DNAH14: variants seen among roughly 807,000 people sequenced by gnomAD.
DNAH14 encodes dynein axonemal heavy chain 14.
Under a neutral mutation model 520.9 loss-of-function variants are expected in DNAH14, and 478 were observed. The ratio of observed to expected loss-of-function variants is 0.92; its 90% confidence interval spans 0.85 to 0.99. DNAH14 has a LOEUF of 0.99. DNAH14 is among the 50% of genes least tolerant of loss of function. The pLI, the probability that DNAH14 is intolerant of heterozygous loss-of-function variation, is 0.00. For missense variants in DNAH14, 4,831 were observed against 5,234.5 expected (o/e 0.92, Z 2.38); for synonymous variants, 1,581 against 1,757.2 (o/e 0.90, Z 2.51).
Position 225,252,382 on chromosome 1 carries a change from A to G in DNAH14, c.6830A>G (p.Asp2277Gly). ...CAATGTGAATTCATACCTTGGTCAG[A>G]TTTAGTTCCTAATGATCAGACACTA... is the stretch of plus-strand genomic sequence containing the variant. ...IEQCEFIPWS[D>G]LVPNDQTLIQ... is the part of the protein sequence containing the mutation. The change falls in exon 44 of 86, where the codon GAT becomes GGT. Residue 2277 changes from aspartate (D) to glycine (G), a missense_variant. By Grantham distance (94) the Asp-to-Gly change is moderately conservative (BLOSUM62 -1). Coordinates refer to ENST00000682510, the MANE Select transcript of DNAH14 (RefSeq NM_001367479.1). 6.5e-7 allele frequency: 1 copy of G among 1,545,518 alleles called. No homozygotes were observed. The highest frequency in any genetic ancestry group is 8.8e-7 in the Non-Finnish European group (1 of 1,142,182).
chr1:225,307,397 A>G (rs2094268578), intron 58 of DNAH14, 64 bp from the exon 59 acceptor site: 1 of 1,154,662 alleles, frequency 8.7e-7, no homozygotes, highest in South Asian at 1.6e-5. Context: ...TTTATATATT[A>G]TCAAATTATA....
intron 4 of DNAH14, 119 bp from the exon 5 acceptor site, chr1:224,964,360 G>T: frequency 8.7e-7 from 1 of 1,150,438 alleles, no homozygotes. Flanking sequence ...TAATCGTTAT[G>T]TATACTTTGT....
At chr1:224,979,145 TA>T (rs749932032) in intron 8 of DNAH14, among the ~76,000 whole-genome samples, 1 of 152,072 alleles carries the variant, frequency 6.6e-6, no homozygotes, top group African/African-American at 2.4e-5. Context: ...TGTTCCTTCA[TA>T]AAAAAAGCAT....
chr1:225,386,513 A>T (rs1410895784), intron 81 of DNAH14, among the ~76,000 whole-genome samples: 1 of 152,220 alleles, frequency 6.6e-6, no homozygotes, highest in African/African-American at 2.4e-5. Flanking sequence ...GAATCTACAA[A>T]GAACGTAAAT....
At chr1:224,993,018 G>A (rs750208811) in intron 8 of DNAH14, among the ~76,000 whole-genome samples, 1 of 152,056 alleles carries the variant, frequency 6.6e-6, no homozygotes, top group Non-Finnish European at 1.5e-5. Context: ...ATTGATTTGT[G>A]TATGTTGAAC....
At chr1:225,233,563 G>A (rs900826164) in intron 42 of DNAH14, among the ~76,000 whole-genome samples, 6 of 152,178 alleles carry the variant, frequency 3.9e-5, no homozygotes, top group Admixed American at 6.5e-5. Context: ...GATCAGTGAT[G>A]TTGAGCTTTC....
chr1:225,129,284 C>A (rs1428124165), intron 27 of DNAH14, among the ~76,000 whole-genome samples: 1 of 152,074 alleles, frequency 6.6e-6, no homozygotes, highest in African/African-American at 2.4e-5. Context: ...ATCAAGCTAC[C>A]AATGACTTTC....
chr1:224,949,827 C>G (rs1169512449), intron 1 of DNAH14, among the ~76,000 whole-genome samples: 6 of 152,016 alleles, frequency 3.9e-5, no homozygotes, highest in African/African-American at 1.4e-4. Context: ...TCTATTGACT[C>G]TCTATTGCAA....
intron 45 of DNAH14, among the ~76,000 whole-genome samples, chr1:225,258,456 A>G (rs1476815012): frequency 6.6e-6 from 1 of 152,202 alleles, no homozygotes; most frequent in Admixed American, 6.5e-5. Flanking sequence ...TACACATTCA[A>G]TGGGATTCCC....
In DNAH14 at chr1:225,013,074, G is replaced by A. The variant is rs145694994; in HGVS notation, c.1107+5530G>A. ...TTTTGGGAATTTTCAGCCTTGGTGC[G>A]CTGGATTTTCCTCATCTTCGTGGAT... On this transcript the variant is annotated intron_variant, in intron 10 of 85. Coordinates refer to ENST00000682510, the MANE Select transcript of DNAH14 (RefSeq NM_001367479.1). 1.1e-3 allele frequency among the ~76,000 whole-genome samples: 164 copies of A among 152,226 alleles called. 1 individual carries two copies. The highest frequency in any genetic ancestry group is 3.7e-3 in the African/African-American group (154 of 41,554).
chr1:225,199,750 G>C (rs1299574081), intron 38 of DNAH14, among the ~76,000 whole-genome samples: 1 of 151,022 alleles, frequency 6.6e-6, no homozygotes, highest in East Asian at 1.9e-4. Flanking sequence ...TTGTTTTGTG[G>C]CCTCTCATAT....
At chr1:224,944,484 C>A (rs1436714277) in intron 1 of DNAH14, among the ~76,000 whole-genome samples, 1 of 151,806 alleles carries the variant, frequency 6.6e-6, no homozygotes, top group East Asian at 1.9e-4. Context: ...GCATTTAGCC[C>A]ATTTACATTT....
At chr1:225,008,131 G>A (rs1375071540) in intron 10 of DNAH14, among the ~76,000 whole-genome samples, 1 of 151,280 alleles carries the variant, frequency 6.6e-6, no homozygotes, top group African/African-American at 2.4e-5. Context: ...GTGCCCATAT[G>A]TTCTCATTGT....
chr1:225,288,464 A>G (rs557610695), intron 54 of DNAH14, among the ~76,000 whole-genome samples: 9 of 152,264 alleles, frequency 5.9e-5, no homozygotes, highest in African/African-American at 1.9e-4. Flanking sequence ...AGATCTGAAA[A>G]AAGTATGGAC....
chr1:225,389,577 A>G (rs145574001), intron 82 of DNAH14, among the ~76,000 whole-genome samples, 157 bp from the exon 83 acceptor site: 165 of 152,320 alleles, frequency 1.1e-3, no homozygotes, highest in African/African-American at 3.5e-3. Flanking sequence ...GCTTAAAACC[A>G]TAGCTGGCTT....
intron 49 of DNAH14, among the ~76,000 whole-genome samples, chr1:225,267,894 C>A (rs1200964546): frequency 6.6e-6 from 1 of 151,784 alleles, no homozygotes; most frequent in African/African-American, 2.4e-5. Flanking sequence ...TATGGCCCAC[C>A]AGGGATAATC....
At chr1:224,964,923 G>T (rs2061067937) in intron 5 of DNAH14, among the ~76,000 whole-genome samples, 1 of 152,140 alleles carries the variant, frequency 6.6e-6, no homozygotes, top group South Asian at 2.1e-4. Flanking sequence ...TCTACTGTTT[G>T]GTTTCTGGAT....
Position 225,013,457 on chromosome 1 carries a change from G to A in DNAH14, c.1107+5913G>A, listed in dbSNP as rs552562586. On this transcript the variant is annotated intron_variant, in intron 10 of 85. Coordinates refer to ENST00000682510, the MANE Select transcript of DNAH14 (RefSeq NM_001367479.1). ...AGGCACGGGGGTCAGGGACCCACTT[G>A]AGGAGGCAGTCAGTCCTTTAGCACT... 6.6e-5 allele frequency among the ~76,000 whole-genome samples: 10 copies of A among 152,314 alleles called. 1 individual carries two copies. In the South Asian group the frequency reaches 1.4e-3, roughly 22 times the overall value.
At chr1:225,231,017 C>A in intron 41 of DNAH14, 56 bp from the exon 42 acceptor site, 1 of 1,242,852 alleles carries the variant, frequency 8.0e-7, no homozygotes, top group Non-Finnish European at 1.1e-6. Flanking sequence ...CATTAGTTTA[C>A]CAGATAAATT....
Sources: allele counts gnomAD v4.1 joint callset (sites outside exome capture counted in the v4.1 genomes callset), GRCh38; gene constraint gnomAD v4.1.1; transcripts MANE v1.5; gene names NCBI Gene and HGNC (gene_info 2026-07-23, HGNC 2026-07-21).